The following DLEU7 variants were observed in gnomAD, a reference collection of about 807,000 sequenced individuals.
DLEU7 encodes the protein deleted in lymphocytic leukemia 7, also known as leukemia-associated protein 7.
Under a neutral mutation model 16.0 loss-of-function variants are expected in DLEU7, and 17 were observed. The ratio of observed to expected loss-of-function variants is 1.06; its 90% CI spans 0.73 to 1.59. The LOEUF (loss-of-function observed/expected upper bound fraction) is 1.59, where lower values mean the gene tolerates loss of function less well. Among genes scored for constraint, DLEU7 ranks in the 40% most tolerant of loss-of-function variants. The probability of loss-of-function intolerance (pLI) is 0.00; values close to 1 mark genes in which losing one functional copy is unlikely to be tolerated. For synonymous variants in DLEU7, 113 were observed against 139.8 expected (o/e 0.81, Z 1.35); for missense variants, 308 against 314.9 (o/e 0.98, Z 0.17).
intron 1 of DLEU7, chr13:50,812,895 A>G (rs1876612363): frequency 7.3e-6 from 1 of 137,748 alleles, no homozygotes; most frequent in Non-Finnish European, 1.6e-5. Flanking sequence ...AAACCTCTAA[A>G]AATTAAAACT....
chr13:50,833,556 G>T (rs1019026620), intron 1 of DLEU7, among the ~76,000 whole-genome samples: 19 of 152,126 alleles, frequency 1.2e-4, no homozygotes, highest in African/African-American at 4.3e-4. Flanking sequence ...TAAAGAAATG[G>T]AAAAACATTC....
chr13:50,732,927 A>G (rs1873959644), intron 1 of DLEU7, among the ~76,000 whole-genome samples: 2 of 152,192 alleles, frequency 1.3e-5, no homozygotes, highest in Non-Finnish European at 2.9e-5. Flanking sequence ...GCTGTGGACC[A>G]GAAAAAACAT....
intron 1 of DLEU7, among the ~76,000 whole-genome samples, chr13:50,841,387 T>C (rs1398993799): frequency 6.6e-6 from 1 of 151,980 alleles, no homozygotes; most frequent in Non-Finnish European, 1.5e-5. Context: ...GTCTGGAAAA[T>C]AACATGTATT....
At chr13:50,725,772 A>T (rs1046453663) in intron 1 of DLEU7, among the ~76,000 whole-genome samples, 2 of 152,012 alleles carry the variant, frequency 1.3e-5, no homozygotes, top group African/African-American at 4.8e-5. Context: ...AGTTTGATGA[A>T]GTTTTTCTAT....
At chr13:50,794,071 A>G (rs1876041419) in intron 1 of DLEU7, among the ~76,000 whole-genome samples, 1 of 152,104 alleles carries the variant, frequency 6.6e-6, no homozygotes, top group South Asian at 2.1e-4. Context: ...CTGCATATGG[A>G]TAGACATGGT....
chr13:50,768,735 C>G (rs1180244711), intron 1 of DLEU7, among the ~76,000 whole-genome samples: 1 of 152,152 alleles, frequency 6.6e-6, no homozygotes, highest in Non-Finnish European at 1.5e-5. Flanking sequence ...AATAGTGCCG[C>G]AATAAACATA....
At chr13:50,783,635 C>T (rs1875716082) in intron 1 of DLEU7, among the ~76,000 whole-genome samples, 1 of 152,200 alleles carries the variant, frequency 6.6e-6, no homozygotes, top group South Asian at 2.1e-4. Flanking sequence ...AAAGAAAGTA[C>T]AGGCTATAGC....
chr13:50,728,620 G>A (rs1873830617), intron 1 of DLEU7, among the ~76,000 whole-genome samples: 1 of 152,020 alleles, frequency 6.6e-6, no homozygotes, highest in Non-Finnish European at 1.5e-5. Flanking sequence ...TTGGGAAAGT[G>A]CATCATAGGA....
At chr13:50,825,554 A>G (rs1877057100) in intron 1 of DLEU7, among the ~76,000 whole-genome samples, 1 of 152,234 alleles carries the variant, frequency 6.6e-6, no homozygotes, top group African/African-American at 2.4e-5. Flanking sequence ...TTCAGAAAAT[A>G]TTCTGTAATT....
intron 1 of DLEU7, among the ~76,000 whole-genome samples, chr13:50,833,736 A>T (rs1593416092): frequency 6.6e-6 from 1 of 152,182 alleles, no homozygotes; most frequent in East Asian, 1.9e-4. Flanking sequence ...AGCCAAGACA[A>T]TCCTAAGCCA....
At chr13:50,731,986 C>T (rs531534498) in intron 1 of DLEU7, among the ~76,000 whole-genome samples, 7 of 152,314 alleles carry the variant, frequency 4.6e-5, no homozygotes, top group Non-Finnish European at 1.0e-4. Context: ...TATATACACT[C>T]ATACTTTGCA....
chr13:50,826,100 G>A (rs545499112), intron 1 of DLEU7, among the ~76,000 whole-genome samples: 5 of 150,420 alleles, frequency 3.3e-5, no homozygotes, highest in African/African-American at 1.2e-4. Context: ...GTGAGAAGGA[G>A]CACACAACCT....
chr13:50,843,218 C>A lies in DLEU7; in HGVS notation c.429G>T (p.Gln143His). The A allele has an allele frequency of 1.3e-6, 2 of 1,593,548 alleles. No homozygotes were observed. The highest frequency in any genetic ancestry group is 1.7e-6 in the Non-Finnish European group (2 of 1,170,826). Residue 143 changes from glutamine to histidine, a missense_variant, in exon 1 of 2, where the codon CAG (glutamine) becomes CAT (histidine). Coordinates refer to ENST00000504404, the MANE Select transcript of DLEU7 (RefSeq NM_001306135.2). The surrounding 1 kb of genome is among the most constrained non-coding windows in gnomAD (Gnocchi z 5.7). ...GGTGAATGGGAAAGGACCGCTCCTG[C>A]TGGAGGGGCCCCAGCAGCGTCTGCT... ...SVEQTLLGPL[Q>H]QERSFPIHLK... is the part of the protein sequence containing the mutation.
exon 2 of DLEU7, chr13:50,712,249 C>T (rs1873313433): frequency 6.6e-6 from 1 of 152,172 alleles, no homozygotes; most frequent in Non-Finnish European, 1.5e-5. Flanking sequence ...AATCTATGTA[C>T]GCCTTCTTTG....
At chr13:50,835,013 G>A (rs1183359528) in intron 1 of DLEU7, among the ~76,000 whole-genome samples, 1 of 147,480 alleles carries the variant, frequency 6.8e-6, no homozygotes, top group Non-Finnish European at 1.5e-5. Flanking sequence ...TGTACACAGG[G>A]AGGGGCATAT....
At chr13:50,807,939 A>G (rs1251481785) in intron 1 of DLEU7, 1 of 101,990 alleles carries the variant, frequency 9.8e-6, no homozygotes, top group Non-Finnish European at 2.2e-5. Flanking sequence ...CTCCAAGAGA[A>G]GACTTCCATT....
chr13:50,725,869 T>C (rs1476356028), intron 1 of DLEU7, among the ~76,000 whole-genome samples: 1 of 152,210 alleles, frequency 6.6e-6, no homozygotes. Flanking sequence ...GTTTAAGAGG[T>C]ATTCTATGAC....
intron 1 of DLEU7, among the ~76,000 whole-genome samples, chr13:50,790,313 A>G (rs1276488316): frequency 6.6e-6 from 1 of 152,168 alleles, no homozygotes; most frequent in Non-Finnish European, 1.5e-5. Context: ...ATAAAAATAA[A>G]AATAAAAAGA....
At chr13:50,822,293 G>A (rs1470541654), downstream of DLEU7, among the ~76,000 whole-genome samples, 8 of 152,092 alleles carry the variant, frequency 5.3e-5, no homozygotes, top group Admixed American at 3.9e-4. Context: ...AAATAGTACT[G>A]TACTCCCACC....
Sources: gnomAD v4.1 joint callset for allele counts (sites outside exome capture counted in the v4.1 genomes callset) on GRCh38, gnomAD v4.1.1 for gene constraint, Gnocchi (gnomAD v3.1) non-coding constraint, MANE v1.5 for transcripts, NCBI Gene and HGNC (gene_info 2026-07-23, HGNC 2026-07-21) for gene names.